The following C1orf167 variants were observed in gnomAD, a reference collection of about 807,000 sequenced individuals.
The protein encoded by C1orf167 is chromosome 1 open reading frame 167, also known as uncharacterized protein C1orf167.
C1orf167 carries 153 observed loss-of-function variants against 176.5 expected under a neutral mutation model. That is an observed-to-expected ratio of 0.87 (90% CI 0.76 to 0.99). C1orf167 has a LOEUF of 0.99. Among genes scored for constraint, C1orf167 ranks in the 50% least tolerant of loss-of-function variants. C1orf167 has a pLI of 0.00. For synonymous variants in C1orf167, 594 were observed against 752.7 expected, an observed-to-expected ratio of 0.79 and a Z score of 3.45; for missense variants, 1,490 against 1,817.7, an observed-to-expected ratio of 0.82 and a Z score of 3.28.
chr1:11,766,900 A>T lies in C1orf167; in HGVS notation c.1114A>T (p.Ser372Cys). The T allele has an allele frequency of 8.0e-7, 1 of 1,243,192 alleles. No homozygotes were observed. Among genetic ancestry groups the T allele is most frequent in the Non-Finnish European group, 1.0e-6 (1 of 964,024 alleles). 77.0% of individuals were successfully genotyped at this position (1,243,192 alleles called of 1,614,324 possible). ...TGGCAGGGCACAGAGGGGTGACCCC[A>T]GTCTCCCTCGAGGGGTGGGAAGCAG... ...QDGRAQRGDP[S>C]LPRGVGSRGT... is the part of the protein sequence containing the mutation. The change falls in exon 3 of 21, where the codon AGT becomes TGT. Residue 372 changes from serine to cysteine, a missense_variant. Coordinates refer to ENST00000688073, the MANE Select transcript of C1orf167 (RefSeq NM_001010881.2). The surrounding 1 kb of genome is among the most constrained non-coding windows in gnomAD (Gnocchi z 4.5).
chr1:11,778,998 G>A lies in C1orf167; in HGVS notation c.2569G>A (p.Gly857Arg), dbSNP rs1427513588. ...GTGGGCAGCTGGGCAGCGGCAGCAG[G>A]GGCAGTGCCTTCTGCTCTGGCAGGC... ...LLWAAGQRQQ[G>R]QCLLLWQARA... is the part of the protein sequence containing the mutation. Residue 857 changes from glycine to arginine, a missense_variant, in exon 12 of 21, where the codon GGG (glycine) becomes AGG (arginine). Coordinates refer to ENST00000688073, the MANE Select transcript of C1orf167 (RefSeq NM_001010881.2). 7.7e-7 allele frequency: 1 copy of A among 1,303,014 alleles called. No homozygotes were observed. The highest frequency in any genetic ancestry group is 2.3e-5 in the Admixed American group (1 of 43,452). The allele number at this position is 1,303,014 out of a possible 1,614,324, so 80.7% of individuals were successfully genotyped here.
At position 11,784,206 on chromosome 1, in the gene C1orf167, A is replaced by G; in HGVS notation, c.3038A>G (p.Asp1013Gly). The change falls in exon 15 of 21, where the codon GAC becomes GGC. Residue 1013 changes from aspartate (D) to glycine (G), a missense_variant. Transcript: ENST00000688073. ...YFQAWCEVVR[D>G]TGVLRAQHQA... ...CAGGCCTGGTGTGAGGTTGTAAGAG[A>G]CACGGGGGTGCTCCGGGCCCAGCAT... The G allele has an allele frequency of 7.9e-7, 1 of 1,265,190 alleles. No homozygotes were observed. The highest frequency in any genetic ancestry group is 1.0e-6 in the Non-Finnish European group (1 of 968,472). 78.4% of individuals were successfully genotyped at this position (1,265,190 alleles called of 1,614,324 possible).
In C1orf167 at chr1:11,766,302, G is replaced by T. The variant is rs75694436; in HGVS notation, c.516G>T (p.Pro172=). The T allele has an allele frequency of 7.8e-7, 1 of 1,289,298 alleles. No individual in the cohort carries two copies. The highest frequency in any genetic ancestry group is 1.2e-5 in the South Asian group (1 of 80,942). The allele number at this position is 1,289,298 out of a possible 1,614,324, so 79.9% of individuals were successfully genotyped here. ...PSSCLRQSGL[P]APGTPSGDFR... ...CCTGCCTGAGGCAGTCCGGGCTGCCGGCCCCAGGCACCCCTAGCGGGGACT... is the reference window on the plus strand; with the variant it reads ...CCTGCCTGAGGCAGTCCGGGCTGCCTGCCCCAGGCACCCCTAGCGGGGACT... Residue 172 remains proline (P), a synonymous_variant, in exon 3 of 21, where the codon CCG becomes CCT. Transcript: ENST00000688073. This position sits in a 1 kb window ranked among gnomAD's most constrained non-coding sequence, Gnocchi z 4.5.
At chr1:11,769,866 T>C (rs1180336750) in intron 6 of C1orf167, among the ~76,000 whole-genome samples, 4 of 151,598 alleles carry the variant, frequency 2.6e-5, no homozygotes, top group African/African-American at 9.7e-5. Context: ...AGAGACGGGG[T>C]TTCACCGTAT....
In C1orf167 at chr1:11,778,660, C is replaced by T. The variant is rs576091670; in HGVS notation, c.2340C>T (p.Asn780=). Residue 780 remains asparagine (N), a splice_region_variant and synonymous_variant, in exon 11 of 21, where the codon AAC becomes AAT. Coordinates refer to ENST00000688073, the MANE Select transcript of C1orf167 (RefSeq NM_001010881.2). ...KMRLFQRQWA[N]SFFQGLQQRM... is the part of the protein sequence containing the mutation. ...GGTCACTCACCTGCCCCTTCTCTAG[C>T]TCCTTCTTCCAGGGCCTGCAGCAGC... 18 of 1,293,980 alleles carry T rather than the reference C, an allele frequency of 1.4e-5. No individual in the cohort carries two copies. In the East Asian group the frequency reaches 9.6e-4, roughly 69 times the overall value. 80.2% of individuals were successfully genotyped at this position (1,293,980 alleles called of 1,614,324 possible).
At chr1:11,774,109 T>C (rs1643203441) in intron 8 of C1orf167, among the ~76,000 whole-genome samples, 2 of 152,146 alleles carry the variant, frequency 1.3e-5, no homozygotes, top group Non-Finnish European at 2.9e-5. Flanking sequence ...TTTGCCACGT[T>C]GCTCAGGCTG....
At chr1:11,771,000 G>GTA (rs1185295212) in intron 6 of C1orf167, among the ~76,000 whole-genome samples, 4 of 30,838 alleles carry the variant, frequency 1.3e-4, no homozygotes, top group African/African-American at 3.2e-4. Context: ...GTGTGTGTGT[G>GTA]TATATATCAC....
chr1:11,784,352 C>T lies in C1orf167; in HGVS notation c.3184C>T (p.Arg1062Cys), dbSNP rs939265177. ...EQRVAQASLA[R>C]WRSCGQQGQE... is the part of the protein sequence containing the mutation. Reference sequence around the variant, plus strand: ...GCGTGTGGCCCAGGCCTCCCTTGCCCGCTGGAGAAGCTGCGGGCAGCAAGG... The same window carrying T: ...GCGTGTGGCCCAGGCCTCCCTTGCCTGCTGGAGAAGCTGCGGGCAGCAAGG... Residue 1062 changes from arginine to cysteine, a missense_variant, in exon 15 of 21, where the codon CGC (arginine) becomes TGC (cysteine). Arg to Cys is a radical substitution (Grantham distance 180, BLOSUM62 -3). Coordinates refer to ENST00000688073, the MANE Select transcript of C1orf167 (RefSeq NM_001010881.2). The T allele has an allele frequency of 3.8e-5, 50 of 1,303,872 alleles. No homozygotes were observed. Among genetic ancestry groups the T allele is most frequent in the African/African-American group, 1.4e-4 (9 of 65,884 alleles). The allele number at this position is 1,303,872 out of a possible 1,614,324, so 80.8% of individuals were successfully genotyped here.
chr1:11,787,496 AAGG>A lies in C1orf167; in HGVS notation c.3673+6_3673+8del. 1 of 1,299,374 alleles carries A rather than the reference AAGG, an allele frequency of 7.7e-7. No homozygotes were observed. The highest frequency in any genetic ancestry group is 1.0e-6 in the Non-Finnish European group (1 of 986,900). 80.5% of individuals were successfully genotyped at this position (1,299,374 alleles called of 1,614,324 possible). ...AAGGGGAACGGCCTGGGCTCAGAGT[AAGG>A]AGACCTTGCCCCGGGGGACAAACGG... On this transcript the variant is annotated splice_donor_5th_base_variant and intron_variant, in intron 17 of 20. Transcript: ENST00000688073.
At position 11,766,679 on chromosome 1, in the gene C1orf167, G is replaced by A. The variant is rs890498627; in HGVS notation, c.893G>A (p.Arg298His). The A allele has an allele frequency of 7.0e-6, 9 of 1,289,698 alleles. No individual in the cohort carries two copies. In the Admixed American group the frequency reaches 1.8e-4, roughly 26 times the overall value. 79.9% of individuals were successfully genotyped at this position (1,289,698 alleles called of 1,614,324 possible). A position where few individuals can be genotyped will look rare whatever the true frequency, so the allele number is the denominator to read the frequency against. ...GCTTCCTCGGATGGGAGGAGGAGAC[G>A]CCTTCGAGGCCACAGGGAAACTGCG... ...VLASSDGRRRRLRGHRETAAF... is the reference protein window; with the variant it reads ...VLASSDGRRRHLRGHRETAAF... The change falls in exon 3 of 21, where the codon CGC (arginine) becomes CAC (histidine). Residue 298 changes from arginine to histidine, a missense_variant. Transcript: ENST00000688073. The surrounding 1 kb of genome is among the most constrained non-coding windows in gnomAD (Gnocchi z 4.5).
intron 1 of C1orf167, among the ~76,000 whole-genome samples, chr1:11,763,442 C>CAAA (rs34701302): frequency 9.3e-6 from 1 of 107,810 alleles, no homozygotes; most frequent in African/African-American, 3.8e-5. Context: ...GACTCCGGCT[C>CAAA]AAAAAAAAAA....
At position 11,776,501 on chromosome 1, in the gene C1orf167, T is replaced by C. The variant is rs1230279405; in HGVS notation, c.2202T>C (p.Cys734=). The change falls in exon 10 of 21, where the codon TGT becomes TGC. Residue 734 remains cysteine, a synonymous_variant. Transcript: ENST00000688073. ...EAVYTAGPGA[C]GLGAVGQAQG... is the part of the protein sequence containing the mutation. ...TCTACACCGCAGGCCCTGGAGCCTG[T>C]GGCCTGGGTGCAGTGGGCCAGGCCC... The C allele has an allele frequency of 7.7e-7, 1 of 1,301,278 alleles. No individual in the cohort carries two copies. Among genetic ancestry groups the C allele is most frequent in the Non-Finnish European group, 1.0e-6 (1 of 987,828 alleles). 80.6% of individuals were successfully genotyped at this position (1,301,278 alleles called of 1,614,324 possible). A position where few individuals can be genotyped will look rare whatever the true frequency, so the allele number is the denominator to read the frequency against.
At position 11,787,370 on chromosome 1, in the gene C1orf167, C is replaced by T; in HGVS notation, c.3568-18C>T. 7.9e-7 allele frequency: 1 copy of T among 1,273,324 alleles called. No homozygotes were observed. The highest frequency in any genetic ancestry group is 2.5e-5 in the Admixed American group (1 of 39,488). 78.9% of individuals were successfully genotyped at this position (1,273,324 alleles called of 1,614,324 possible). A position where few individuals can be genotyped will look rare whatever the true frequency, so the allele number is the denominator to read the frequency against. ...AAGCCCATGGGGTTCAGGTGCTCCT[C>T]TCTGGCTATTCCTTCAGACCCGCAG... On this transcript the variant is annotated intron_variant, in intron 16 of 20. Coordinates refer to ENST00000688073, the MANE Select transcript of C1orf167 (RefSeq NM_001010881.2).
At position 11,766,532 on chromosome 1, in the gene C1orf167, A is replaced by G; in HGVS notation, c.746A>G (p.Gln249Arg). ...QLLASVHCLAQEAARLRCQAP... is the reference protein window; with the variant it reads ...QLLASVHCLAREAARLRCQAP... ...CTGGCTTCTGTACATTGCCTGGCGC[A>G]GGAGGCAGCCCGACTCAGGTGCCAG... Residue 249 changes from glutamine (Q) to arginine (R), a missense_variant, in exon 3 of 21, where the codon CAG (glutamine) becomes CGG (arginine). Coordinates refer to ENST00000688073, the MANE Select transcript of C1orf167 (RefSeq NM_001010881.2). This position sits in a 1 kb window ranked among gnomAD's most constrained non-coding sequence, Gnocchi z 4.5. 1 of 1,254,596 alleles carries G rather than the reference A, an allele frequency of 8.0e-7. No homozygotes were observed. The highest frequency in any genetic ancestry group is 1.3e-5 in the South Asian group (1 of 75,178). The allele number at this position is 1,254,596 out of a possible 1,614,324, so 77.7% of individuals were successfully genotyped here.
At chr1:11,775,313 G>C (rs1643258791) in intron 8 of C1orf167, 122 bp from the exon 9 acceptor site, 1 of 694,448 alleles carries the variant, frequency 1.4e-6, no homozygotes, top group South Asian at 1.8e-5. Context: ...AAAACACGGA[G>C]GCTCAGAGAG....
intron 15 of C1orf167, 121 bp from the exon 16 acceptor site, chr1:11,785,027 T>G: frequency 2.3e-6 from 2 of 887,748 alleles, no homozygotes; most frequent in Non-Finnish European, 2.9e-6. Flanking sequence ...GTGTGGGAGG[T>G]GGGTGGGCCC....
At chr1:11,786,781 G>C (rs561382029) in intron 16 of C1orf167, 1 of 152,312 alleles carries the variant, frequency 6.6e-6, no homozygotes, top group Admixed American at 6.5e-5. Flanking sequence ...AAAGGAACTA[G>C]CCTTGGCTAG....
Position 11,778,789 on chromosome 1 carries a change from C to A in C1orf167, c.2469C>A (p.Ser823Arg). 6.1e-6 allele frequency: 8 copies of A among 1,302,272 alleles called. No individual in the cohort carries two copies. The highest frequency in any genetic ancestry group is 8.1e-6 in the Non-Finnish European group (8 of 988,264). The allele number at this position is 1,302,272 out of a possible 1,614,324, so 80.7% of individuals were successfully genotyped here. ...CCTCGGCTCTGGAGCCACTGAGCAG[C>A]AGCACACTCCAAGACTCTCTGGAGA... ...KTPSALEPLS[S>R]STLQDSLEKV... The change falls in exon 11 of 21, where the codon AGC (serine) becomes AGA (arginine). Residue 823 changes from serine to arginine, a missense_variant. Coordinates refer to ENST00000688073, the MANE Select transcript of C1orf167 (RefSeq NM_001010881.2).
At chr1:11,779,772 C>T (rs1643504286) in intron 12 of C1orf167, 30 bp from the exon 13 acceptor site, 7 of 1,277,924 alleles carry the variant, frequency 5.5e-6, no homozygotes, top group South Asian at 1.3e-5. Flanking sequence ...GGACAGTGGC[C>T]ATCCTCAGGG....
Sources: gnomAD v4.1 joint callset for allele counts (sites outside exome capture counted in the v4.1 genomes callset) on GRCh38, gnomAD v4.1.1 for gene constraint, Gnocchi (gnomAD v3.1) non-coding constraint, MANE v1.5 for transcripts, NCBI Gene and HGNC (gene_info 2026-07-23, HGNC 2026-07-21) for gene names.